Variants in CNTNAP2 observed in about 807,000 individuals in gnomAD.
The protein encoded by CNTNAP2 is contactin-associated protein-like 2.
In CNTNAP2, 98 loss-of-function variants were observed where a neutral mutation model predicts 155.2. The ratio of observed to expected loss-of-function variants is 0.63; its 90% confidence interval spans 0.54 to 0.75. The LOEUF (loss-of-function observed/expected upper bound fraction) is 0.75. Among genes scored for constraint, CNTNAP2 ranks in the 30% least tolerant of loss-of-function variants. The pLI is 0.00. For synonymous variants in CNTNAP2, 651 were observed against 631.2 expected (o/e 1.03, Z -0.47); for missense variants, 1,727 against 1,688.1 (o/e 1.02, Z -0.40).
chr7:146,720,304 C>T (rs537677974), intron 1 of CNTNAP2, among the ~76,000 whole-genome samples: 1 of 152,192 alleles, frequency 6.6e-6, no homozygotes, highest in African/African-American at 2.4e-5. Context: ...AGTAGTACCT[C>T]TTTACTGGCT....
chr7:147,188,535 T>C (rs942645934), intron 8 of CNTNAP2, among the ~76,000 whole-genome samples: 1 of 152,298 alleles, frequency 6.6e-6, no homozygotes, highest in Admixed American at 6.5e-5. Flanking sequence ...AGCACCAGAT[T>C]GGGCTTCTGT....
At chr7:147,965,639 C>T (rs1801196666) in intron 14 of CNTNAP2, among the ~76,000 whole-genome samples, 1 of 151,972 alleles carries the variant, frequency 6.6e-6, no homozygotes, top group African/African-American at 2.4e-5. Flanking sequence ...TCTCTGTTCC[C>T]TTGGCTTATA....
At chr7:147,852,253 A>C (rs775271139) in intron 13 of CNTNAP2, among the ~76,000 whole-genome samples, 1 of 152,090 alleles carries the variant, frequency 6.6e-6, no homozygotes, top group Admixed American at 6.6e-5. Flanking sequence ...TAGCCCCACA[A>C]CCTTAATTGT....
chr7:146,642,282 A>G (rs1465875587), intron 1 of CNTNAP2, among the ~76,000 whole-genome samples: 3 of 147,716 alleles, frequency 2.0e-5, no homozygotes, highest in Non-Finnish European at 4.5e-5. Flanking sequence ...AGCATTAGGT[A>G]TATCTCCTAA....
At chr7:147,466,155 C>T (rs1290146988) in intron 10 of CNTNAP2, among the ~76,000 whole-genome samples, 1 of 152,100 alleles carries the variant, frequency 6.6e-6, no homozygotes, top group African/African-American at 2.4e-5. Context: ...TGTGGACAGC[C>T]ATCTAGAAAC....
chr7:146,663,973 C>G (rs1306192799), intron 1 of CNTNAP2, among the ~76,000 whole-genome samples: 3 of 151,992 alleles, frequency 2.0e-5, no homozygotes, highest in Non-Finnish European at 2.9e-5. Flanking sequence ...TCAGTCTTTT[C>G]CCAGTAAGTA....
intron 9 of CNTNAP2, among the ~76,000 whole-genome samples, chr7:147,387,427 T>C (rs1176267105): frequency 6.6e-6 from 1 of 152,228 alleles, no homozygotes; most frequent in East Asian, 1.9e-4. Flanking sequence ...TTACACACCA[T>C]GCTTTATTCT....
rs757546679 is a variant in CNTNAP2 at position 147,174,531 on chromosome 7, G to A, written c.1348+42022G>A. Among the ~76,000 whole-genome samples, 3 of 152,072 alleles carry A rather than the reference G, an allele frequency of 2.0e-5. No homozygotes were observed. In the South Asian group the frequency reaches 6.2e-4, roughly 31 times the overall value. On this transcript the variant is annotated intron_variant, in intron 8 of 23. Transcript: ENST00000361727. ...AATCCTTACATTCCCATGAAGAAAG[G>A]ATATATGTAATAAGAGAGAAAGGAA... is the stretch of plus-strand genomic sequence containing the variant.
intron 1 of CNTNAP2, among the ~76,000 whole-genome samples, chr7:146,544,623 T>C (rs1178761178): frequency 6.6e-6 from 1 of 151,942 alleles, no homozygotes; most frequent in Non-Finnish European, 1.5e-5. Flanking sequence ...AGGATCTCAG[T>C]TGATTAGGCT....
At chr7:146,866,792 T>C (rs1340656638) in intron 3 of CNTNAP2, among the ~76,000 whole-genome samples, 1 of 152,134 alleles carries the variant, frequency 6.6e-6, no homozygotes, top group African/African-American at 2.4e-5. Context: ...ATCAGTACAA[T>C]ATTTCTGCAA....
chr7:147,024,466 G>T (rs1181864671), intron 3 of CNTNAP2, among the ~76,000 whole-genome samples: 2 of 152,136 alleles, frequency 1.3e-5, no homozygotes, highest in Non-Finnish European at 2.9e-5. Flanking sequence ...ACGGGGGAAG[G>T]TTACATAGGA....
At chr7:146,764,475 G>GT (rs61389148) in intron 1 of CNTNAP2, among the ~76,000 whole-genome samples, 325 of 145,852 alleles carry the variant, frequency 2.2e-3, no homozygotes, top group Middle Eastern at 3.5e-3. Flanking sequence ...GTGTTGTAGA[G>GT]TTTTTTTTTT....
chr7:146,861,858 A>G (rs1208010315), intron 3 of CNTNAP2, among the ~76,000 whole-genome samples: 1 of 152,192 alleles, frequency 6.6e-6, no homozygotes, highest in Non-Finnish European at 1.5e-5. Flanking sequence ...GTATTTAGCA[A>G]TCTGAACAGA....
intron 6 of CNTNAP2, among the ~76,000 whole-genome samples, chr7:147,123,152 T>C (rs1457123437): frequency 6.6e-6 from 1 of 152,174 alleles, no homozygotes; most frequent in Non-Finnish European, 1.5e-5. Context: ...AAACTGATTG[T>C]TAAAAGAAAA....
At chr7:147,822,767 G>A (rs780148520) in intron 13 of CNTNAP2, among the ~76,000 whole-genome samples, 2 of 152,182 alleles carry the variant, frequency 1.3e-5, no homozygotes, top group African/African-American at 2.4e-5. Flanking sequence ...TCATTGCGAT[G>A]TATATGACAT....
At chr7:146,503,082 G>A (rs765552150) in intron 1 of CNTNAP2, among the ~76,000 whole-genome samples, 72 of 151,888 alleles carry the variant, frequency 4.7e-4, no homozygotes, top group Non-Finnish European at 8.5e-4. Context: ...TATTTATTCT[G>A]GTTATTTATC....
At chr7:146,309,462 G>C (rs1004771319) in intron 1 of CNTNAP2, among the ~76,000 whole-genome samples, 1 of 152,008 alleles carries the variant, frequency 6.6e-6, no homozygotes, top group African/African-American at 2.4e-5. Context: ...GCCATTTCAC[G>C]GGCCTTCTCA....
chr7:147,884,433 T>C (rs1205126956), intron 13 of CNTNAP2, among the ~76,000 whole-genome samples: 6 of 151,810 alleles, frequency 4.0e-5, no homozygotes, highest in African/African-American at 7.3e-5. Context: ...CAAAAACATA[T>C]CTGAATATTG....
chr7:147,053,866 T>C (rs1193270938), intron 4 of CNTNAP2, among the ~76,000 whole-genome samples: 1 of 152,140 alleles, frequency 6.6e-6, no homozygotes, highest in Non-Finnish European at 1.5e-5. Context: ...AAATAAGATA[T>C]TTTGATTACT....
Sources: gnomAD v4.1 joint callset for allele counts (sites outside exome capture counted in the v4.1 genomes callset) on GRCh38, gnomAD v4.1.1 for gene constraint, MANE v1.5 for transcripts, NCBI Gene and HGNC (gene_info 2026-07-23, HGNC 2026-07-21) for gene names.